SEM1: variants seen among roughly 807,000 people sequenced by gnomAD.
SEM1 encodes the protein SEM1 26S proteasome subunit, also known as 26S proteasome complex subunit SEM1.
Under a neutral mutation model 12.7 loss-of-function variants are expected in SEM1, and 3 were observed. That is an observed-to-expected ratio of 0.24 (90% confidence interval 0.11 to 0.61). The LOEUF (loss-of-function observed/expected upper bound fraction) is 0.61, where lower values mean the gene tolerates loss of function less well. SEM1 is among the 20% of genes least tolerant of loss of function. The probability of loss-of-function intolerance (pLI) is 0.88; values close to 1 mark genes in which losing one functional copy is unlikely to be tolerated. For synonymous variants in SEM1, 30 were observed against 27.8 expected, an observed-to-expected ratio of 1.08 and a Z score of -0.25; for missense variants, 59 against 81.3, an observed-to-expected ratio of 0.73 and a Z score of 1.06.
intron 2 of SEM1, among the ~76,000 whole-genome samples, chr7:96,570,706 G>A (rs1457861209): frequency 6.6e-6 from 1 of 152,044 alleles, no homozygotes; most frequent in African/African-American, 2.4e-5. Flanking sequence ...TAATCCTTTG[G>A]GTATATACCC....
At chr7:96,496,212 G>T in intron 1 of SEM1, 1 of 895,982 alleles carries the variant, frequency 1.1e-6, no homozygotes, top group Non-Finnish European at 1.7e-6. Flanking sequence ...GTACACTCAA[G>T]GTATACTAAC....
At chr7:96,564,926 AAT>A (rs1262606241) in intron 2 of SEM1, among the ~76,000 whole-genome samples, 11 of 152,082 alleles carry the variant, frequency 7.2e-5, no homozygotes, top group Admixed American at 2.6e-4. Flanking sequence ...AAATGTAATT[AAT>A]ATATGTTTGT....
intron 2 of SEM1, among the ~76,000 whole-genome samples, chr7:96,511,923 T>G (rs1280236415): frequency 2.0e-5 from 3 of 152,110 alleles, no homozygotes; most frequent in African/African-American, 7.2e-5. Flanking sequence ...TCACCTGACA[T>G]TCTTGTTAAA....
At chr7:96,620,595 C>T (rs1276796577), downstream of SEM1, among the ~76,000 whole-genome samples, 1 of 152,168 alleles carries the variant, frequency 6.6e-6, no homozygotes, top group Non-Finnish European at 1.5e-5. Context: ...CCCACACCCG[C>T]GAGCCTCTCC....
chr7:96,614,935 A>G (rs754036713), intron 2 of SEM1, among the ~76,000 whole-genome samples: 6 of 152,190 alleles, frequency 3.9e-5, no homozygotes, highest in Non-Finnish European at 5.9e-5. Flanking sequence ...GTTTTTTCTT[A>G]TGAGCCTCTA....
chr7:96,656,860 T>C lies in SEM1; in HGVS notation c.171-34217A>G, dbSNP rs986626914. Among the ~76,000 whole-genome samples the C allele has an allele frequency of 7.4e-5, 11 of 148,562 alleles. No homozygotes were observed. In the South Asian group the frequency reaches 1.5e-3, roughly 20 times the overall value. On this transcript the variant is annotated intron_variant, in intron 2 of 2. Transcript: ENST00000417009. Reference sequence around the variant, plus strand: ...TAAAAAATATAATGTTAAATATATATATATATATATATATATACACACACA... The same window carrying C: ...TAAAAAATATAATGTTAAATATATACATATATATATATATATACACACACA...
chr7:96,675,298 T>A (rs968687092), intron 2 of SEM1, among the ~76,000 whole-genome samples: 5 of 152,196 alleles, frequency 3.3e-5, no homozygotes, highest in Non-Finnish European at 5.9e-5. Flanking sequence ...TATTTCACTA[T>A]GAACTGTCAC....
chr7:96,633,883 A>ATTAAAGAAAATTAG (rs1808348351), intron 2 of SEM1, among the ~76,000 whole-genome samples: 1 of 152,274 alleles, frequency 6.6e-6, no homozygotes, highest in East Asian at 1.9e-4. Flanking sequence ...TGCCTAGAAA[A>ATTAAAGAAAATTAG]TTAAAGAAAA....
At chr7:96,519,601 G>A (rs1341675504) in intron 2 of SEM1, among the ~76,000 whole-genome samples, 2 of 152,172 alleles carry the variant, frequency 1.3e-5, no homozygotes, top group East Asian at 1.9e-4. Flanking sequence ...GAGGGAACAA[G>A]CCATGTTAAT....
At chr7:96,614,847 C>T (rs1221037169) in intron 2 of SEM1, among the ~76,000 whole-genome samples, 1 of 151,832 alleles carries the variant, frequency 6.6e-6, no homozygotes, top group Non-Finnish European at 1.5e-5. Flanking sequence ...CATATGTGCA[C>T]ACACACATAC....
chr7:96,635,784 T>C (rs1411207135), intron 2 of SEM1, among the ~76,000 whole-genome samples: 1 of 151,996 alleles, frequency 6.6e-6, no homozygotes, highest in Non-Finnish European at 1.5e-5. Flanking sequence ...TTTCAACCAA[T>C]ATTGTAATAG....
chr7:96,702,032 T>C (rs1790287892), intron 1 of SEM1, among the ~76,000 whole-genome samples: 1 of 151,880 alleles, frequency 6.6e-6, no homozygotes, highest in Non-Finnish European at 1.5e-5. Flanking sequence ...TGGCATAAAA[T>C]GTGGAGCCCA....
exon 4 of SEM1, chr7:96,481,832 G>C (rs1802555166): frequency 6.6e-6 from 1 of 152,074 alleles, no homozygotes; most frequent in East Asian, 1.9e-4. Flanking sequence ...TTGGTACCAT[G>C]ATACACATAT....
chr7:96,544,190 AT>A lies in SEM1; in HGVS notation c.171-37493del, dbSNP rs1805036370. Among the ~76,000 whole-genome samples, 4 of 152,024 alleles carry A rather than the reference AT, an allele frequency of 2.6e-5. No individual in the cohort carries two copies. In the South Asian group the frequency reaches 8.3e-4, roughly 32 times the overall value. On this transcript the variant is annotated intron_variant and NMD_transcript_variant, in intron 2 of 3. Coordinates refer to the SEM1 transcript ENST00000466986. ...AACCACTTTTGCTAGCCTGTCCTTT[AT>A]TTCATAATTTCTAGTATTATAAATT...
At chr7:96,510,312 A>G (rs915136343) in intron 2 of SEM1, among the ~76,000 whole-genome samples, 1 of 152,162 alleles carries the variant, frequency 6.6e-6, no homozygotes. Context: ...ATCATAGTGT[A>G]CTTACACAAA....
chr7:96,589,131 G>T (rs542902370), intron 2 of SEM1, among the ~76,000 whole-genome samples: 17 of 152,306 alleles, frequency 1.1e-4, no homozygotes, highest in Non-Finnish European at 2.4e-4. Flanking sequence ...GCTTGTGGCT[G>T]AGAGGCCTGT....
intron 2 of SEM1, among the ~76,000 whole-genome samples, chr7:96,538,276 C>T (rs1017816179): frequency 8.6e-5 from 13 of 151,810 alleles, no homozygotes; most frequent in Non-Finnish European, 1.3e-4. Context: ...AAATTCCCAA[C>T]CCTAATTCCA....
intron 2 of SEM1, among the ~76,000 whole-genome samples, chr7:96,689,957 T>G (rs1444936807): frequency 6.6e-6 from 1 of 152,148 alleles, no homozygotes; most frequent in Non-Finnish European, 1.5e-5. Flanking sequence ...TATAACAACT[T>G]ATCTCCATTG....
At position 96,652,027 on chromosome 7, in the gene SEM1, C is replaced by T. The variant is rs186432847; in HGVS notation, c.171-29384G>A. On this transcript the variant is annotated intron_variant, in intron 2 of 2. Coordinates refer to the SEM1 transcript ENST00000417009. Reference sequence around the variant, plus strand: ...TTGTCATTGTAATTCATACCTCTTCCCATCTCTTTGAACTTTTATTTCCCA... The same window carrying T: ...TTGTCATTGTAATTCATACCTCTTCTCATCTCTTTGAACTTTTATTTCCCA... 9.2e-4 allele frequency among the ~76,000 whole-genome samples: 140 copies of T among 152,248 alleles called. No homozygotes were observed. The Middle Eastern group carries it at 0.021, about 22-fold the overall frequency.
Sources: allele counts gnomAD v4.1 joint callset (sites outside exome capture counted in the v4.1 genomes callset), GRCh38; gene constraint gnomAD v4.1.1; transcripts MANE v1.5; gene names NCBI Gene and HGNC (gene_info 2026-07-23, HGNC 2026-07-21).